The following IL33 variants were observed in gnomAD, a reference collection of about 807,000 sequenced individuals.
IL33 encodes the protein interleukin-33.
IL33 carries 37 observed loss-of-function variants against 27.3 expected under a neutral mutation model. The ratio of observed to expected loss-of-function variants is 1.36; its 90% CI spans 1.04 to 1.78. The LOEUF (loss-of-function observed/expected upper bound fraction) is 1.78, where lower values mean the gene tolerates loss of function less well. IL33 is among the 40% of genes most tolerant of loss of function. The pLI is 0.00. For synonymous variants in IL33, 132 were observed against 102.9 expected, an observed-to-expected ratio of 1.28 and a Z score of -1.71; for missense variants, 406 against 311.4, an observed-to-expected ratio of 1.30 and a Z score of -2.29.
At chr9:6,232,549 A>C (rs1423117779) in intron 1 of IL33, among the ~76,000 whole-genome samples, 1 of 152,062 alleles carries the variant, frequency 6.6e-6, no homozygotes, top group Admixed American at 6.6e-5. Context: ...CTTCAAAAGC[A>C]CTATTTCCTA....
intron 1 of IL33, among the ~76,000 whole-genome samples, chr9:6,220,231 T>A (rs1452991035): frequency 6.6e-6 from 1 of 152,212 alleles, no homozygotes; most frequent in Non-Finnish European, 1.5e-5. Flanking sequence ...GCACCCAGTT[T>A]ACATCTAATT....
chr9:6,236,826 G>A (rs749734328), intron 1 of IL33, among the ~76,000 whole-genome samples: 85 of 152,164 alleles, frequency 5.6e-4, no homozygotes, highest in African/African-American at 2.0e-3. Context: ...AGCTGAGATC[G>A]TGCCACTGCA....
At chr9:6,239,012 G>A (rs1217616233) in intron 1 of IL33, among the ~76,000 whole-genome samples, 2 of 152,130 alleles carry the variant, frequency 1.3e-5, no homozygotes, top group African/African-American at 4.8e-5. Context: ...ATTAAATTGG[G>A]GGTTGCAAGA....
Position 6,252,901 on chromosome 9 carries a change from A to C in IL33, c.379A>C (p.Ser127Arg). The C allele has an allele frequency of 6.2e-7, 1 of 1,609,214 alleles. No individual in the cohort carries two copies. The highest frequency in any genetic ancestry group is 8.5e-7 in the Non-Finnish European group (1 of 1,176,714). ...SPITEYLASL[S>R]TYNDQSITFA... is the part of the protein sequence containing the mutation. ...TATTACAGAGTATCTTGCTTCTCTA[A>C]GCACATACAATGATCAATCCATTAC... is the stretch of plus-strand genomic sequence containing the variant. The change falls in exon 5 of 8, where the codon AGC becomes CGC. Residue 127 changes from serine to arginine, a missense_variant. Physicochemically the swap from Ser to Arg is moderately radical, Grantham distance 110. Coordinates refer to ENST00000682010, the MANE Select transcript of IL33 (RefSeq NM_033439.4).
intron 1 of IL33, among the ~76,000 whole-genome samples, chr9:6,237,844 G>A (rs199706445): frequency 6.9e-4 from 105 of 152,066 alleles, no homozygotes; most frequent in Non-Finnish European, 1.1e-3. Flanking sequence ...AACAAACAAC[G>A]TCAAGGCAAT....
intron 1 of IL33, among the ~76,000 whole-genome samples, chr9:6,220,290 C>T (rs897760115): frequency 3.3e-5 from 5 of 152,130 alleles, no homozygotes; most frequent in East Asian, 3.8e-4. Flanking sequence ...CATAATTTTC[C>T]CTAGCCATAT....
intron 1 of IL33, among the ~76,000 whole-genome samples, chr9:6,241,469 T>C (rs927542030): frequency 6.6e-6 from 1 of 152,204 alleles, no homozygotes; most frequent in Admixed American, 6.5e-5. Context: ...ACCACCATTG[T>C]ATATGTGCAA....
chr9:6,215,522 A>G (rs1818097500), upstream of IL33, among the ~76,000 whole-genome samples: 1 of 152,246 alleles, frequency 6.6e-6, no homozygotes, highest in Non-Finnish European at 1.5e-5. Context: ...GAATTTCAAA[A>G]TGGACAGTGC....
chr9:6,241,283 GTAT>G (rs1386490131), intron 1 of IL33, among the ~76,000 whole-genome samples: 2 of 152,132 alleles, frequency 1.3e-5, no homozygotes, highest in African/African-American at 4.8e-5. Flanking sequence ...TTGTTACCAA[GTAT>G]TATATACTAT....
chr9:6,250,375 T>G, intron 2 of IL33, 99 bp from the exon 3 acceptor site: 1 of 1,345,064 alleles, frequency 7.4e-7, no homozygotes, highest in Non-Finnish European at 1.0e-6. Flanking sequence ...TAAGATACTG[T>G]GAACCTGTAC....
chr9:6,248,240 C>CTTTTT (rs1179234471), intron 2 of IL33, among the ~76,000 whole-genome samples: 145 of 84,872 alleles, frequency 1.7e-3, no homozygotes, highest in Non-Finnish European at 2.4e-3. Flanking sequence ...CTTTTCTTTT[C>CTTTTT]TTTTTTTTTT....
At chr9:6,248,786 C>T (rs963614358) in intron 2 of IL33, among the ~76,000 whole-genome samples, 2 of 151,732 alleles carry the variant, frequency 1.3e-5, no homozygotes, top group African/African-American at 2.4e-5. Context: ...ACTGTGTTGC[C>T]CAGGCTGGTC....
chr9:6,216,994 T>C lies in IL33; in HGVS notation c.-12+1142T>C, dbSNP rs146033745. ...AGGATTCAAAGTTATTATTCAAATC[T>C]CCCCAAAAATTTGGAGGCTAGGGTT... On this transcript the variant is annotated intron_variant, in intron 1 of 7. Transcript: ENST00000682010. Among the ~76,000 whole-genome samples the C allele has an allele frequency of 1.6e-3, 245 of 152,266 alleles. 1 individual carries two copies. The highest frequency in any genetic ancestry group is 2.9e-3 in the Non-Finnish European group (197 of 68,010).
intron 1 of IL33, among the ~76,000 whole-genome samples, chr9:6,222,725 T>A (rs1161268969): frequency 6.6e-6 from 1 of 152,200 alleles, no homozygotes; most frequent in Admixed American, 6.5e-5. Context: ...TCTTTTAAAA[T>A]ATAACCACAG....
Position 6,232,806 on chromosome 9 carries a change from G to T in IL33, c.-11-8878G>T, listed in dbSNP as rs1443213260. On this transcript the variant is annotated intron_variant, in intron 1 of 7. Transcript: ENST00000682010. ...TTTCATTGCTGTTGTCACCCTTAGT[G>T]ACTGCTTTGACTCTTTAACACTCCT... is the stretch of plus-strand genomic sequence containing the variant. Among the ~76,000 whole-genome samples, 3 of 152,066 alleles carry T rather than the reference G, an allele frequency of 2.0e-5. No homozygotes were observed. In the East Asian group the frequency reaches 5.8e-4, roughly 29 times the overall value.
At chr9:6,248,747 T>G (rs1314791238) in intron 2 of IL33, among the ~76,000 whole-genome samples, 2 of 151,876 alleles carry the variant, frequency 1.3e-5, no homozygotes, top group African/African-American at 2.4e-5. Context: ...GCTACTTTTT[T>G]TTTTTAAATT....
At chr9:6,234,160 G>T (rs757984407) in intron 1 of IL33, among the ~76,000 whole-genome samples, 1 of 151,962 alleles carries the variant, frequency 6.6e-6, no homozygotes, top group Non-Finnish European at 1.5e-5. Flanking sequence ...TTCTCTTCCT[G>T]CTCCACACTC....
intron 1 of IL33, among the ~76,000 whole-genome samples, chr9:6,225,827 A>G (rs990898943): frequency 6.6e-6 from 1 of 151,446 alleles, no homozygotes; most frequent in African/African-American, 2.4e-5. Flanking sequence ...AGCTCAAGCG[A>G]CCCTCCTACC....
intron 7 of IL33, among the ~76,000 whole-genome samples, chr9:6,255,365 T>C (rs999621794): frequency 1.3e-5 from 2 of 152,154 alleles, no homozygotes; most frequent in Non-Finnish European, 2.9e-5. Flanking sequence ...ATATATAATC[T>C]AGTGTTTGGC....
Sources: gnomAD v4.1 joint callset for allele counts (sites outside exome capture counted in the v4.1 genomes callset) on GRCh38, gnomAD v4.1.1 for gene constraint, MANE v1.5 for transcripts, NCBI Gene and HGNC (gene_info 2026-07-23, HGNC 2026-07-21) for gene names.